Variants in PRDM8 observed in about 807,000 individuals in gnomAD.
PRDM8 encodes PR/SET domain 8, also known as PR domain zinc finger protein 8.
In PRDM8, 13 loss-of-function variants were observed where a neutral mutation model predicts 46.5. The observed-to-expected ratio is 0.28, with a 90% CI of 0.18 to 0.44. The LOEUF (loss-of-function observed/expected upper bound fraction) is 0.44, where lower values mean the gene tolerates loss of function less well. PRDM8 is among the 20% of genes least tolerant of loss of function. The pLI is 1.00. For synonymous variants in PRDM8, 473 were observed against 438.4 expected, an observed-to-expected ratio of 1.08 and a Z score of -0.98; for missense variants, 998 against 955.0, an observed-to-expected ratio of 1.04 and a Z score of -0.59.
intron 1 of PRDM8, 89 bp downstream of exon 1, chr4:80,197,852 T>C: frequency 1.1e-6 from 1 of 921,628 alleles, no homozygotes; most frequent in Non-Finnish European, 1.3e-6. Flanking sequence ...GTCTCCTTAT[T>C]ATCCAGAAGA....
chr4:80,199,828 A>G (rs1305686694), intron 1 of PRDM8, among the ~76,000 whole-genome samples: 1 of 151,608 alleles, frequency 6.6e-6, no homozygotes, highest in Non-Finnish European at 1.5e-5. Flanking sequence ...AGTCTTTCCT[A>G]GCCCTTTCTT....
At position 80,202,158 on chromosome 4, in the gene PRDM8, C is replaced by T. The variant is rs1441512922; in HGVS notation, c.696C>T (p.Pro232=). 3.1e-6 allele frequency: 5 copies of T among 1,610,300 alleles called. No individual in the cohort carries two copies. In the African/African-American group the frequency reaches 5.4e-5, roughly 17 times the overall value. ...GTCCCAAGTTTTGCAAAGCCGGCCC[C>T]CTCCACCACTACCCATCCCCCTCCC... is the stretch of plus-strand genomic sequence containing the variant. The part of the protein sequence containing the change: ...GPGPKFCKAG[P]LHHYPSPSPE... Residue 232 remains proline, a synonymous_variant, in exon 4 of 4, where the codon CCC becomes CCT. Coordinates refer to ENST00000415738, the MANE Select transcript of PRDM8 (RefSeq NM_001099403.2).
At chr4:80,198,144 G>C (rs527713485) in intron 1 of PRDM8, among the ~76,000 whole-genome samples, 7 of 152,358 alleles carry the variant, frequency 4.6e-5, no homozygotes, top group African/African-American at 1.7e-4. Context: ...CCGCACGCGG[G>C]CGGGCGCTCC....
At chr4:80,196,110 G>A (rs115501918), upstream of PRDM8, 737 of 979,898 alleles carry the variant, frequency 7.5e-4, 5 homozygotes, top group African/African-American at 0.012. Flanking sequence ...GCTGGGAGAG[G>A]ATCAAACTAA....
Position 80,202,086 on chromosome 4 carries a change from T to TGGC in PRDM8, c.625_627dup (p.Gly209dup), listed in dbSNP as rs968517999. 6.3e-7 allele frequency: 1 copy of TGGC among 1,579,678 alleles called. No individual in the cohort carries two copies. Among genetic ancestry groups the TGGC allele is most frequent in the Non-Finnish European group, 8.6e-7 (1 of 1,165,450 alleles). On this transcript the variant is annotated inframe_insertion, in exon 4 of 4. Coordinates refer to ENST00000415738, the MANE Select transcript of PRDM8 (RefSeq NM_001099403.2). ...AGGACCACGGGGGCGGCGGCGGCGGTGGCAAAGACCAGCAGCAGCAGCAGC... is the reference window on the plus strand; with the variant it reads ...AGGACCACGGGGGCGGCGGCGGCGGTGGCGGCAAAGACCAGCAGCAGCAGCAGC...
intron 1 of PRDM8, 139 bp downstream of exon 1, chr4:80,197,902 A>G (rs1738087019): frequency 2.5e-6 from 2 of 806,500 alleles, no homozygotes; most frequent in Non-Finnish European, 3.0e-6. Context: ...TACTGCCAGT[A>G]ATATTGTACA....
rs576717761 is a variant in PRDM8, at chr4:80,197,708, A to C, written c.-58A>C. 1 of 982,784 alleles carries C rather than the reference A, an allele frequency of 1.0e-6. No individual in the cohort carries two copies. 60.9% of individuals were successfully genotyped at this position (982,784 alleles called of 1,614,324 possible). On this transcript the variant is annotated 5_prime_UTR_variant, in exon 1 of 4. Coordinates refer to ENST00000415738, the MANE Select transcript of PRDM8 (RefSeq NM_001099403.2). ...TAGGCAAAAGGAAACACTCGATTGC[A>C]TCTTCCCGGTTCCAGGTGGCCTTAT...
chr4:80,200,215 C>T lies in PRDM8; in HGVS notation c.135C>T (p.Val45=), dbSNP rs770847065. The T allele has an allele frequency of 6.2e-7, 1 of 1,614,130 alleles. No individual in the cohort carries two copies. Among genetic ancestry groups the T allele is most frequent in the South Asian group, 1.1e-5 (1 of 91,072 alleles). The change falls in exon 2 of 4, where the codon GTC becomes GTT. Residue 45 remains valine (V), a synonymous_variant. Transcript: ENST00000415738. The stretch of plus-strand genomic sequence containing the variant: ...AGAATGCTATATTTGGTCCCTGTGT[C>T]CTGAGCCATACTTCCCTATATGACA... ...IPENAIFGPC[V]LSHTSLYDSI...
rs1271507373 is a variant in PRDM8 at position 80,203,252 on chromosome 4, C to T, written c.1790C>T (p.Ala597Val). The T allele has an allele frequency of 1.1e-5, 17 of 1,560,612 alleles. No homozygotes were observed. The East Asian group carries it at 2.6e-4, about 24-fold the overall frequency. Residue 597 changes from alanine (A) to valine (V), a missense_variant, in exon 4 of 4, where the codon GCC (alanine) becomes GTC (valine). Coordinates refer to ENST00000415738, the MANE Select transcript of PRDM8 (RefSeq NM_001099403.2). ...AAAAAAAAAAAAGPLQLQLPS... is the reference protein window; with the variant it reads ...AAAAAAAAAAVAGPLQLQLPS... ...GCTGCAGCCGCGGCTGCGGCGGCGGCCGCGGGGCCCTTGCAGCTGCAGCTG... is the reference window on the plus strand; with the variant it reads ...GCTGCAGCCGCGGCTGCGGCGGCGGTCGCGGGGCCCTTGCAGCTGCAGCTG...
chr4:80,187,244 T>TGGGG (rs1234830907), intron 1 of PRDM8, among the ~76,000 whole-genome samples: 6 of 89,980 alleles, frequency 6.7e-5, no homozygotes, highest in African/African-American at 2.2e-4. Flanking sequence ...TTCTCTGCCC[T>TGGGG]GGGGCGGGGG....
chr4:80,190,442 G>A (rs1374465072), intron 1 of PRDM8, among the ~76,000 whole-genome samples: 1 of 152,230 alleles, frequency 6.6e-6, no homozygotes, highest in Admixed American at 6.5e-5. Context: ...GTCTACAAGG[G>A]CGACGCCGGG....
Position 80,202,676 on chromosome 4 carries a change from A to T in PRDM8, c.1214A>T (p.Asp405Val). 1.4e-6 allele frequency: 2 copies of T among 1,425,442 alleles called. No homozygotes were observed. The highest frequency in any genetic ancestry group is 1.5e-5 in the South Asian group (1 of 68,292). 88.3% of individuals were successfully genotyped at this position (1,425,442 alleles called of 1,614,324 possible). The change falls in exon 4 of 4, where the codon GAC (aspartate) becomes GTC (valine). Residue 405 changes from aspartate to valine, a missense_variant. By Grantham distance (152) the Asp-to-Val change is radical. Transcript: ENST00000415738. ...AGCCTGCAGGAGGAGGGGACAGCCG[A>T]CGGCGCGGGAGTCGCCTCCGAGGAC... The part of the protein sequence containing the change: ...AASLQEEGTA[D>V]GAGVASEDQD...
upstream of PRDM8, among the ~76,000 whole-genome samples, chr4:80,192,876 T>C (rs1172022862): frequency 1.3e-5 from 2 of 152,188 alleles, no homozygotes; most frequent in East Asian, 3.8e-4. Context: ...TCAGAGGCCA[T>C]TAAGCCAGTT....
chr4:80,196,285 G>A, upstream of PRDM8: 2 of 977,892 alleles, frequency 2.0e-6, no homozygotes, highest in Non-Finnish European at 2.4e-6. Context: ...CAAAGTAGTG[G>A]TGGTGTGTGT....
At chr4:80,189,391 C>T (rs1185913616) in intron 1 of PRDM8, among the ~76,000 whole-genome samples, 1 of 151,240 alleles carries the variant, frequency 6.6e-6, no homozygotes, top group African/African-American at 2.4e-5. Context: ...AGGCCTTCCG[C>T]AGCAAACTGA....
chr4:80,192,847 G>A (rs181474224), upstream of PRDM8, among the ~76,000 whole-genome samples: 20 of 152,082 alleles, frequency 1.3e-4, no homozygotes, highest in Admixed American at 6.6e-4. Flanking sequence ...CGGTTTGCTA[G>A]CCCTTCTAAA....
In PRDM8 at chr4:80,187,250, G is replaced by GT. The variant is rs1553903066; in HGVS notation, c.-983+1732_-983+1733insT. Among the ~76,000 whole-genome samples the GT allele has an allele frequency of 1.4e-5, 2 of 140,112 alleles. 1 individual carries two copies. The highest frequency in any genetic ancestry group is 5.3e-5 in the African/African-American group (2 of 37,614). 91.9% of individuals were successfully genotyped at this position (140,112 alleles called of 152,430 possible). On this transcript the variant is annotated intron_variant, in intron 1 of 9. Transcript: ENST00000339711. ...GTATCAGCATTCTCTGCCCTGGGGCGGGGGGAAGCAGAAGAATATCATCTT... is the reference window on the plus strand; with the variant it reads ...GTATCAGCATTCTCTGCCCTGGGGCGTGGGGGAAGCAGAAGAATATCATCTT...
At chr4:80,193,091 C>T (rs566609058), upstream of PRDM8, among the ~76,000 whole-genome samples, 12 of 152,272 alleles carry the variant, frequency 7.9e-5, no homozygotes, top group African/African-American at 2.6e-4. Context: ...AAAGCAGGAT[C>T]ATTTACGAGG....
rs780149187 is a variant in PRDM8 at position 80,200,107 on chromosome 4, C to T, written c.27C>T (p.Gly9=). The T allele has an allele frequency of 6.2e-7, 1 of 1,613,982 alleles. No homozygotes were observed. The highest frequency in any genetic ancestry group is 2.2e-5 in the East Asian group (1 of 44,874). Residue 9 remains glycine, a synonymous_variant, in exon 2 of 4, where the codon GGC becomes GGT. Transcript: ENST00000415738. MEDTGIQR[G]IWDGDAKAVQ... is the part of the protein sequence containing the mutation. The stretch of plus-strand genomic sequence containing the variant: ...TGGAGGATACTGGCATCCAGCGAGG[C>T]ATCTGGGATGGAGATGCCAAGGCTG...
Sources: allele counts gnomAD v4.1 joint callset (sites outside exome capture counted in the v4.1 genomes callset), GRCh38; gene constraint gnomAD v4.1.1; transcripts MANE v1.5; gene names NCBI Gene and HGNC (gene_info 2026-07-23, HGNC 2026-07-21).